Variants in TBC1D30 observed in about 807,000 individuals in gnomAD.
TBC1D30 encodes TBC1 domain family member 30.
In TBC1D30, 31 loss-of-function variants were observed where a neutral mutation model predicts 63.2. The observed-to-expected ratio is 0.49, with a 90% CI of 0.37 to 0.66. The LOEUF is 0.66. Among genes scored for constraint, TBC1D30 ranks in the 30% least tolerant of loss-of-function variants. The pLI is 0.00. For missense variants in TBC1D30, 810 were observed against 953.6 expected (o/e 0.85, Z 1.98); for synonymous variants, 307 against 361.5 (o/e 0.85, Z 1.71).
chr12:64,835,989 G>A (rs886946918), intron 5 of TBC1D30, among the ~76,000 whole-genome samples: 4 of 152,180 alleles, frequency 2.6e-5, no homozygotes, highest in Non-Finnish European at 4.4e-5. Context: ...CCCAGGAAGC[G>A]GACAAAGAGC....
At chr12:64,771,262 C>G (rs1388933006) in intron 1 of TBC1D30, among the ~76,000 whole-genome samples, 1 of 151,756 alleles carries the variant, frequency 6.6e-6, no homozygotes, top group Non-Finnish European at 1.5e-5. Context: ...ACAAGGCAGG[C>G]CCATAGGGTT....
chr12:64,821,748 AG>A (rs1285039140), upstream of TBC1D30, among the ~76,000 whole-genome samples: 1 of 152,216 alleles, frequency 6.6e-6, no homozygotes, highest in Non-Finnish European at 1.5e-5. Flanking sequence ...ATTAATACAA[AG>A]CTGAAGGATA....
At chr12:64,847,995 C>T (rs1316797536) in intron 8 of TBC1D30, among the ~76,000 whole-genome samples, 2 of 150,440 alleles carry the variant, frequency 1.3e-5, no homozygotes, top group East Asian at 2.0e-4. Flanking sequence ...AATCTCTAGC[C>T]GTCACTGTGC....
At chr12:64,786,075 G>C in intron 2 of TBC1D30, 8 of 1,269,498 alleles carry the variant, frequency 6.3e-6, no homozygotes, top group Non-Finnish European at 8.2e-6. Context: ...TACTTCTTTT[G>C]CCACATGCAA....
At chr12:64,862,705 A>C (rs759836507) in intron 8 of TBC1D30, among the ~76,000 whole-genome samples, 1 of 152,220 alleles carries the variant, frequency 6.6e-6, no homozygotes, top group Non-Finnish European at 1.5e-5. Flanking sequence ...TTCACTTGTA[A>C]GGAATTTTGA....
intron 8 of TBC1D30, among the ~76,000 whole-genome samples, chr12:64,845,726 C>CA (rs71096005): frequency 3.0e-4 from 37 of 122,986 alleles, no homozygotes; most frequent in Admixed American, 1.4e-3. Flanking sequence ...GACTCCGTCT[C>CA]AAAAAAAAAA....
At chr12:64,768,884 T>C (rs1304335656) in intron 1 of TBC1D30, among the ~76,000 whole-genome samples, 1 of 152,152 alleles carries the variant, frequency 6.6e-6, no homozygotes, top group Non-Finnish European at 1.5e-5. Flanking sequence ...GGGCCAAGTG[T>C]GGTGGCTCAT....
At chr12:64,786,564 C>T (rs1223846190) in intron 2 of TBC1D30, among the ~76,000 whole-genome samples, 4 of 151,742 alleles carry the variant, frequency 2.6e-5, no homozygotes, top group Non-Finnish European at 5.9e-5. Flanking sequence ...TGATCTCAAA[C>T]TCCTGATCTC....
In TBC1D30 at chr12:64,824,873, C is replaced by T. The variant is rs1437677699; in HGVS notation, c.-7C>T. 2.0e-6 allele frequency: 3 copies of T among 1,532,688 alleles called. No homozygotes were observed. The African/African-American group carries it at 4.1e-5, about 21-fold the overall frequency. 94.9% of individuals were successfully genotyped at this position (1,532,688 alleles called of 1,614,324 possible). A position where few individuals can be genotyped will look rare whatever the true frequency, so the allele number is the denominator to read the frequency against. On this transcript the variant is annotated 5_prime_UTR_variant, in exon 1 of 12. Coordinates refer to ENST00000539867, the MANE Select transcript of TBC1D30 (RefSeq NM_015279.2). ...GGTAGCCGTGCCAGAGCCCGGGGCGCTCTCGGATGCGGCAGGACAAGCTGA... is the reference window on the plus strand; with the variant it reads ...GGTAGCCGTGCCAGAGCCCGGGGCGTTCTCGGATGCGGCAGGACAAGCTGA...
chr12:64,789,181 C>CT (rs369676415), intron 2 of TBC1D30, among the ~76,000 whole-genome samples: 25,640 of 127,110 alleles, frequency 0.2, 3,721 homozygotes, highest in Non-Finnish European at 0.28. Flanking sequence ...CCTTCTTCTT[C>CT]TTCTTTTTTT....
intron 7 of TBC1D30, among the ~76,000 whole-genome samples, chr12:64,841,414 C>T (rs1565671067): frequency 6.6e-6 from 1 of 152,212 alleles, no homozygotes; most frequent in Non-Finnish European, 1.5e-5. Flanking sequence ...GCCTGGCCCA[C>T]TGTGGTGTGT....
intron 8 of TBC1D30, among the ~76,000 whole-genome samples, chr12:64,850,957 T>C (rs6581591): frequency 0.19 from 29,477 of 152,108 alleles, 7,758 homozygotes; most frequent in African/African-American, 0.6. Context: ...AACTTGTTAT[T>C]GGTCTATTCA....
rs139782533 is a variant in TBC1D30, at chr12:64,766,490, C to T, written c.-376+6841C>T. Among the ~76,000 whole-genome samples the T allele has an allele frequency of 8.7e-3, 1,320 of 152,138 alleles. 20 individuals carry two copies. Among genetic ancestry groups the T allele is most frequent in the African/African-American group, 0.03 (1,250 of 41,510 alleles). On this transcript the variant is annotated intron_variant, in intron 1 of 13. Coordinates refer to the TBC1D30 transcript ENST00000674237. ...TATAATGATAAAAGGTTCAATCCAT[C>T]AGGAAGATATAACAATTATAAATAT...
At chr12:64,811,257 G>A (rs576622676) in intron 2 of TBC1D30, among the ~76,000 whole-genome samples, 7 of 152,236 alleles carry the variant, frequency 4.6e-5, no homozygotes, top group Admixed American at 3.9e-4. Context: ...AATTTTGTTC[G>A]AATCATCTCA....
At chr12:64,793,489 CAAA>C (rs56138627) in intron 2 of TBC1D30, among the ~76,000 whole-genome samples, 14 of 115,466 alleles carry the variant, frequency 1.2e-4, no homozygotes, top group East Asian at 2.4e-4. Flanking sequence ...ACCAAAAATA[CAAA>C]AAAAAAAAAA....
upstream of TBC1D30, among the ~76,000 whole-genome samples, chr12:64,776,965 G>A (rs534508114): frequency 2.0e-5 from 3 of 152,222 alleles, no homozygotes; most frequent in East Asian, 1.9e-4. Flanking sequence ...TACACAAATC[G>A]ATAAATGTGA....
chr12:64,796,552 A>C (rs1203281757), intron 2 of TBC1D30, among the ~76,000 whole-genome samples: 2 of 152,222 alleles, frequency 1.3e-5, no homozygotes, highest in African/African-American at 4.8e-5. Flanking sequence ...ACACCATATG[A>C]AAGAAATAAA....
chr12:64,834,514 C>T (rs1407854969), intron 5 of TBC1D30, among the ~76,000 whole-genome samples: 21 of 148,832 alleles, frequency 1.4e-4, no homozygotes, highest in African/African-American at 5.2e-4. Context: ...TCAAGCAATT[C>T]TCCTGCCTCA....
intron 8 of TBC1D30, among the ~76,000 whole-genome samples, chr12:64,861,231 A>G (rs1877760723): frequency 6.6e-6 from 1 of 152,212 alleles, no homozygotes; most frequent in Non-Finnish European, 1.5e-5. Context: ...CATATCAATA[A>G]TTACAAAATA....
Sources: allele counts gnomAD v4.1 joint callset (sites outside exome capture counted in the v4.1 genomes callset), GRCh38; gene constraint gnomAD v4.1.1; transcripts MANE v1.5; gene names NCBI Gene and HGNC (gene_info 2026-07-23, HGNC 2026-07-21).